GPR31: variants seen among roughly 807,000 people sequenced by gnomAD.
The protein encoded by GPR31 is 12-(S)-hydroxy-5,8,10,14-eicosatetraenoic acid receptor.
For synonymous variants in GPR31, 209 were observed against 183.8 expected (o/e 1.14, Z -1.11); for missense variants, 394 against 400.5 (o/e 0.98, Z 0.14).
chr6:167,157,106 T>C lies in GPR31; in HGVS notation c.726A>G (p.Arg242=), dbSNP rs372266197. The change falls in exon 1 of 1, where the codon AGA becomes AGG. Residue 242 remains arginine (R), a synonymous_variant. Transcript: ENST00000366834. ...GATTCTGGAAGATGTGCATCAGGAC[T>C]CTGGCCAGGAAGCAGGGCAGAAAGC... The part of the protein sequence containing the change: ...ALCFLPCFLA[R]VLMHIFQNLG... 1 of 1,614,178 alleles carries C rather than the reference T, an allele frequency of 6.2e-7. No individual in the cohort carries two copies. Among genetic ancestry groups the C allele is most frequent in the Non-Finnish European group, 8.5e-7 (1 of 1,180,024 alleles).
Position 167,157,915 on chromosome 6 carries a change from G to A in GPR31, c.-84C>T, listed in dbSNP as rs146037766. The stretch of plus-strand genomic sequence containing the variant: ...TCTTTCTTACAAAATGAAAGAAAAG[G>A]CCTTTTCCTGCCACAGAGTAGACAA... On this transcript the variant is annotated 5_prime_UTR_variant, in exon 1 of 1. Transcript: ENST00000366834. The A allele has an allele frequency of 1.4e-6, 2 of 1,408,908 alleles. No homozygotes were observed. Among genetic ancestry groups the A allele is most frequent in the African/African-American group, 2.9e-5 (2 of 69,250 alleles). The allele number at this position is 1,408,908 out of a possible 1,614,324, so 87.3% of individuals were successfully genotyped here. A position where few individuals can be genotyped will look rare whatever the true frequency, so the allele number is the denominator to read the frequency against.
chr6:167,157,382 C>G lies in GPR31; in HGVS notation c.450G>C (p.Leu150Phe). The G allele has an allele frequency of 6.2e-7, 1 of 1,613,288 alleles. No individual in the cohort carries two copies. Among genetic ancestry groups the G allele is most frequent in the African/African-American group, 1.3e-5 (1 of 75,042 alleles). Residue 150 changes from leucine to phenylalanine, a missense_variant, in exon 1 of 1, where the codon TTG becomes TTC. Leu to Phe is a conservative substitution (Grantham distance 22). Transcript: ENST00000366834. ...AGTTCTGGGCGGCCTCAGAGATGAG[C>G]AAGCCCGGGCAGGTGAGGGCGACCA... is the stretch of plus-strand genomic sequence containing the variant. ...LLMVALTCPGLLISEAAQNST... is the reference protein window; with the variant it reads ...LLMVALTCPGFLISEAAQNST...
chr6:167,155,957 G>A lies in GPR31; in HGVS notation c.*915C>T, dbSNP rs1444933866. 3.3e-5 allele frequency among the ~76,000 whole-genome samples: 5 copies of A among 152,332 alleles called. No individual in the cohort carries two copies. The highest frequency in any genetic ancestry group is 3.4e-3 in the Middle Eastern group (1 of 294). On this transcript the variant is annotated 3_prime_UTR_variant, in exon 1 of 1. Coordinates refer to ENST00000366834, the MANE Select transcript of GPR31 (RefSeq NM_005299.3). ...CGGCATCCAGAGGCTGGGGCTGGAC[G>A]CCTGCCCACCTTCACACTGTGGCCC... is the stretch of plus-strand genomic sequence containing the variant.
rs1036964345 is a variant in GPR31 at position 167,156,002 on chromosome 6, C to T, written c.*870G>A. Among the ~76,000 whole-genome samples the T allele has an allele frequency of 2.6e-5, 4 of 152,226 alleles. No homozygotes were observed. The highest frequency in any genetic ancestry group is 4.4e-5 in the Non-Finnish European group (3 of 68,046). ...TGGCCCATGGAGCCCTGGCATGTCCCGAGCACCATTGTCCACCAGCTGTGC... is the reference window on the plus strand; with the variant it reads ...TGGCCCATGGAGCCCTGGCATGTCCTGAGCACCATTGTCCACCAGCTGTGC... On this transcript the variant is annotated 3_prime_UTR_variant, in exon 1 of 1. Coordinates refer to ENST00000366834, the MANE Select transcript of GPR31 (RefSeq NM_005299.3). This position sits in a 1 kb window ranked among gnomAD's most constrained non-coding sequence, Gnocchi z 4.5.
Position 167,157,727 on chromosome 6 carries a change from C to T in GPR31, c.105G>A (p.Ala35=), listed in dbSNP as rs758903232. The T allele has an allele frequency of 1.8e-5, 29 of 1,613,448 alleles. No homozygotes were observed. The East Asian group carries it at 2.5e-4, about 14-fold the overall frequency. ...TGACCCGGAACAGGAAGGTCCACAG[C>T]GCCACCGCGTTGCCCAGCAGACCCA... is the stretch of plus-strand genomic sequence containing the variant. ...CGLGLLGNAV[A]LWTFLFRVRV... The change falls in exon 1 of 1, where the codon GCG becomes GCA. Residue 35 remains alanine (A), a synonymous_variant. Coordinates refer to ENST00000366834, the MANE Select transcript of GPR31 (RefSeq NM_005299.3).
At position 167,157,336 on chromosome 6, in the gene GPR31, A is replaced by T. The variant is rs1782075151; in HGVS notation, c.496T>A (p.Tyr166Asn). The part of the protein sequence containing the change: ...AQNSTRCHSF[Y>N]SRADGSFSII... ...CTGAAGGAGCCGTCTGCCCTGGAGT[A>T]GAAACTGTGGCACCTGGTGGAGTTC... Residue 166 changes from tyrosine to asparagine, a missense_variant, in exon 1 of 1, where the codon TAC (tyrosine) becomes AAC (asparagine). Coordinates refer to ENST00000366834, the MANE Select transcript of GPR31 (RefSeq NM_005299.3). The T allele has an allele frequency of 1.2e-6, 2 of 1,613,876 alleles. No homozygotes were observed. The highest frequency in any genetic ancestry group is 3.3e-5 in the Admixed American group (2 of 60,004).
Position 167,156,997 on chromosome 6 carries a change from G to A in GPR31, c.835C>T (p.Pro279Ser). The change falls in exon 1 of 1, where the codon CCC becomes TCC. Residue 279 changes from proline to serine, a missense_variant. Physicochemically the swap from Pro to Ser is moderately conservative, Grantham distance 74. Coordinates refer to ENST00000366834, the MANE Select transcript of GPR31 (RefSeq NM_005299.3). The surrounding 1 kb of genome is among the most constrained non-coding windows in gnomAD (Gnocchi z 4.5). ...SLTYLHSVLN[P>S]VVYCFSSPTF... ...GGGCTGGAGAAGCAGTATACCACGG[G>A]GTTGAGCACACTGTGCAGGTAGGTG... 2 of 1,614,152 alleles carry A rather than the reference G, an allele frequency of 1.2e-6. No homozygotes were observed. Among genetic ancestry groups the A allele is most frequent in the East Asian group, 4.5e-5 (2 of 44,864 alleles).
In GPR31 at chr6:167,157,792, C is replaced by T. The variant is rs1406580602; in HGVS notation, c.40G>A (p.Ala14Thr). Residue 14 changes from alanine to threonine, a missense_variant, in exon 1 of 1, where the codon GCC (alanine) becomes ACC (threonine). Physicochemically the swap from Ala to Thr is moderately conservative, Grantham distance 58. Coordinates refer to ENST00000366834, the MANE Select transcript of GPR31 (RefSeq NM_005299.3). ...PNCSAPSTVV[A>T]TAVGVLLGLE... ...CCCAGCAAGACACCCACAGCTGTGGCCACCACAGTGCTGGGGGCTGAGCAG... is the reference window on the plus strand; with the variant it reads ...CCCAGCAAGACACCCACAGCTGTGGTCACCACAGTGCTGGGGGCTGAGCAG... 1 of 1,612,158 alleles carries T rather than the reference C, an allele frequency of 6.2e-7. No homozygotes were observed.
rs1029749242 is a variant in GPR31 at position 167,155,875 on chromosome 6, C to A, written c.*997G>T. Reference sequence around the variant, plus strand: ...AAAATCTTTTATCATCATCGTGAGACTCAGTTTTGGAATACAATTTACAAG... The same window carrying A: ...AAAATCTTTTATCATCATCGTGAGAATCAGTTTTGGAATACAATTTACAAG... On this transcript the variant is annotated 3_prime_UTR_variant, in exon 1 of 1. Coordinates refer to ENST00000366834, the MANE Select transcript of GPR31 (RefSeq NM_005299.3). Among the ~76,000 whole-genome samples the A allele has an allele frequency of 2.0e-5, 3 of 152,208 alleles. No individual in the cohort carries two copies. The highest frequency in any genetic ancestry group is 1.3e-4 in the Admixed American group (2 of 15,288).
rs367979811 is a variant in GPR31 at position 167,157,734 on chromosome 6, G to A, written c.98C>T (p.Ala33Val). 23 of 1,613,552 alleles carry A rather than the reference G, an allele frequency of 1.4e-5. No homozygotes were observed. The African/African-American group carries it at 1.6e-4, about 11-fold the overall frequency. ...LECGLGLLGN[A>V]VALWTFLFRV... The stretch of plus-strand genomic sequence containing the variant: ...GAACAGGAAGGTCCACAGCGCCACC[G>A]CGTTGCCCAGCAGACCCAGCCCACA... Residue 33 changes from alanine (A) to valine (V), a missense_variant, in exon 1 of 1, where the codon GCG (alanine) becomes GTG (valine). By Grantham distance (64) the Ala-to-Val change is moderately conservative. Transcript: ENST00000366834.
chr6:167,157,147 C>A lies in GPR31; in HGVS notation c.685G>T (p.Val229Leu). ...RAQALVTLVV[V>L]LFALCFLPCF... ...GGCAGAAAGCACAGAGCAAACAGCA[C>A]CACCACCAAGGTGACCAGTGCCTGG... The change falls in exon 1 of 1, where the codon GTG becomes TTG. Residue 229 changes from valine to leucine, a missense_variant. Physicochemically the swap from Val to Leu is conservative, Grantham distance 32. Transcript: ENST00000366834. The A allele has an allele frequency of 6.2e-7, 1 of 1,614,230 alleles. No homozygotes were observed. The highest frequency in any genetic ancestry group is 1.3e-5 in the African/African-American group (1 of 75,054).
Position 167,156,788 on chromosome 6 carries a change from C to T in GPR31, c.*84G>A. ...TATTGCAGTCTTAAGACTTCTTCTT[C>T]TTCCAGAATCCCAAAGTAGGAGTAA... On this transcript the variant is annotated 3_prime_UTR_variant, in exon 1 of 1. Transcript: ENST00000366834. This position sits in a 1 kb window ranked among gnomAD's most constrained non-coding sequence, Gnocchi z 4.5. The T allele has an allele frequency of 1.4e-6, 2 of 1,410,958 alleles. No individual in the cohort carries two copies. Among genetic ancestry groups the T allele is most frequent in the East Asian group, 4.6e-5 (2 of 43,670 alleles). The allele number at this position is 1,410,958 out of a possible 1,614,324, so 87.4% of individuals were successfully genotyped here.
At position 167,156,952 on chromosome 6, in the gene GPR31, G is replaced by A. The variant is rs375031842; in HGVS notation, c.880C>T (p.Arg294Trp). ...FSSPTFRSSY[R>W]RVFHTLRGKG... ...CCTCGGAGGGTGTGGAAGACCCTCC[G>A]ATAGGAGCTCCTGAAGGTGGGGCTG... The change falls in exon 1 of 1, where the codon CGG (arginine) becomes TGG (tryptophan). Residue 294 changes from arginine to tryptophan, a missense_variant. Transcript: ENST00000366834. The surrounding 1 kb of genome is among the most constrained non-coding windows in gnomAD (Gnocchi z 4.5). 1.4e-5 allele frequency: 22 copies of A among 1,614,028 alleles called. No homozygotes were observed. Among genetic ancestry groups the A allele is most frequent in the Non-Finnish European group, 1.8e-5 (21 of 1,180,002 alleles).
chr6:167,157,063 G>T lies in GPR31; in HGVS notation c.769C>A (p.Leu257Ile). The T allele has an allele frequency of 1.2e-6, 2 of 1,614,170 alleles. No individual in the cohort carries two copies. Among genetic ancestry groups the T allele is most frequent in the Non-Finnish European group, 1.7e-6 (2 of 1,180,022 alleles). The change falls in exon 1 of 1, where the codon CTT (leucine) becomes ATT (isoleucine). Residue 257 changes from leucine (L) to isoleucine (I), a missense_variant. Leu to Ile is a conservative substitution (Grantham distance 5). Transcript: ENST00000366834. ...TCCGAGGTATGAGCCACTGCACAAA[G>T]GGCCCTGCAGCTCCCCAGATTCTGG... ...IFQNLGSCRA[L>I]CAVAHTSDVT...
rs937226349 is a variant in GPR31 at position 167,156,436 on chromosome 6, G to GT, written c.*435dup. On this transcript the variant is annotated 3_prime_UTR_variant, in exon 1 of 1. Coordinates refer to ENST00000366834, the MANE Select transcript of GPR31 (RefSeq NM_005299.3). This position sits in a 1 kb window ranked among gnomAD's most constrained non-coding sequence, Gnocchi z 4.5. ...GCACAGCAGGTGGGAAGAAAACATA[G>GT]TTTTTTTTTTGTATTTAAAACTGAA... The GT allele has an allele frequency of 3.0e-3, 460 of 152,538 alleles. 1 individual carries two copies. The highest frequency in any genetic ancestry group is 4.8e-3 in the African/African-American group (198 of 40,838). 9.4% of individuals were successfully genotyped at this position (152,538 alleles called of 1,614,324 possible).
rs1307193838 is a variant in GPR31, at chr6:167,157,171, G to A, written c.661C>T (p.Gln221Ter). ...ACCACCACCAAGGTGACCAGTGCCTGGGCCCGCTGAAGCTTGGGCTGTTTC... is the reference window on the plus strand; with the variant it reads ...ACCACCACCAAGGTGACCAGTGCCTAGGCCCGCTGAAGCTTGGGCTGTTTC... Reference protein sequence around the residue: ...PEKQPKLQRAQALVTLVVVLF... With the variant: ...PEKQPKLQRA The change falls in exon 1 of 1, where the codon CAG (glutamine) becomes TAG (stop). Residue 221 changes from glutamine (Q) to a stop codon, truncating the protein, a stop_gained. Transcript: ENST00000366834. LOFTEE classifies it low-confidence loss of function (END_TRUNC). 3 of 1,614,232 alleles carry A rather than the reference G, an allele frequency of 1.9e-6. No homozygotes were observed. The highest frequency in any genetic ancestry group is 1.7e-6 in the Non-Finnish European group (2 of 1,180,048).
At position 167,157,583 on chromosome 6, in the gene GPR31, G is replaced by T. The variant is rs747139115; in HGVS notation, c.249C>A (p.Gly83=). 3.7e-6 allele frequency: 6 copies of T among 1,610,920 alleles called. No homozygotes were observed. The highest frequency in any genetic ancestry group is 5.1e-6 in the Non-Finnish European group (6 of 1,177,932). Residue 83 remains glycine (G), a synonymous_variant, in exon 1 of 1, where the codon GGC becomes GGA. Coordinates refer to ENST00000366834, the MANE Select transcript of GPR31 (RefSeq NM_005299.3). ...FYLSLQAWHL[G]RVGCWALHFL... ...AGTGCAGGGCCCAGCAGCCCACACG[G>T]CCCAGATGCCAAGCCTGGAGGCTCA...
At position 167,155,421 on chromosome 6, in the gene GPR31, T is replaced by G. The variant is rs1423090154; in HGVS notation, c.*1451A>C. Among the ~76,000 whole-genome samples, 1 of 152,218 alleles carries G rather than the reference T, an allele frequency of 6.6e-6. No homozygotes were observed. Among genetic ancestry groups the G allele is most frequent in the Non-Finnish European group, 1.5e-5 (1 of 68,034 alleles). On this transcript the variant is annotated 3_prime_UTR_variant, in exon 1 of 1. Coordinates refer to ENST00000366834, the MANE Select transcript of GPR31 (RefSeq NM_005299.3). ...GTTGGGCAGATTTTTACACCCTTCC[T>G]TAGCAGAACAGGTGGAACTCACTCC...
rs1168381151 is a variant in GPR31 at position 167,157,816 on chromosome 6, A to C, written c.16T>G (p.Cys6Gly). The C allele has an allele frequency of 3.1e-6, 5 of 1,609,154 alleles. No homozygotes were observed. Among genetic ancestry groups the C allele is most frequent in the Non-Finnish European group, 3.4e-6 (4 of 1,177,718 alleles). MPFPN[C>G]SAPSTVVATA... is the part of the protein sequence containing the mutation. ...GCCACCACAGTGCTGGGGGCTGAGC[A>C]GTTTGGGAATGGCATCACCCGGCCG... The change falls in exon 1 of 1, where the codon TGC becomes GGC. Residue 6 changes from cysteine (C) to glycine (G), a missense_variant. Physicochemically the swap from Cys to Gly is radical, Grantham distance 159. Transcript: ENST00000366834.
Sources: gnomAD v4.1 joint callset for allele counts (sites outside exome capture counted in the v4.1 genomes callset) on GRCh38, gnomAD v4.1.1 for gene constraint, Gnocchi (gnomAD v3.1) non-coding constraint, MANE v1.5 for transcripts, NCBI Gene and HGNC (gene_info 2026-07-23, HGNC 2026-07-21) for gene names.